Variants in TES observed in about 807,000 individuals in gnomAD.
The protein encoded by TES is testin LIM domain protein.
In TES, 41 loss-of-function variants were observed where a neutral mutation model predicts 48.2. The observed-to-expected ratio is 0.85, with a 90% CI of 0.66 to 1.10. TES has a LOEUF of 1.10. TES is among the 50% of genes least tolerant of loss of function. The probability of loss-of-function intolerance (pLI) is 0.00; values close to 1 mark genes in which losing one functional copy is unlikely to be tolerated. For missense variants in TES, 463 were observed against 515.1 expected (o/e 0.90, Z 0.98); for synonymous variants, 162 against 174.9 (o/e 0.93, Z 0.58).
rs1563017512 is a variant in TES, at chr7:116,257,512, A to G, written c.*30A>G. 6 of 1,522,142 alleles carry G rather than the reference A, an allele frequency of 3.9e-6. No individual in the cohort carries two copies. Among genetic ancestry groups the G allele is most frequent in the Middle Eastern group, 1.8e-4 (1 of 5,492 alleles). 94.3% of individuals were successfully genotyped at this position (1,522,142 alleles called of 1,614,324 possible). On this transcript the variant is annotated 3_prime_UTR_variant, in exon 7 of 7. Transcript: ENST00000358204. ...AGGGCACCCAGAAGTATCGAGCCAT[A>G]GCTATCCAAAGTGGTCTGCATTTCT... is the stretch of plus-strand genomic sequence containing the variant.
chr7:116,235,031 G>A (rs1250391366), intron 2 of TES, among the ~76,000 whole-genome samples: 5 of 152,076 alleles, frequency 3.3e-5, no homozygotes, highest in African/African-American at 9.7e-5. Flanking sequence ...TGCAACCTCC[G>A]CTTCCTGGTT....
rs901786807 is a variant in TES at position 116,254,747 on chromosome 7, AATAT to A, written c.1077+2280_1077+2283del. Among the ~76,000 whole-genome samples the A allele has an allele frequency of 3.0e-4, 33 of 109,076 alleles. 1 individual carries two copies. The highest frequency in any genetic ancestry group is 8.6e-4 in the Admixed American group (9 of 10,476). The allele number at this position is 109,076 out of a possible 152,430, so 71.6% of individuals were successfully genotyped here. A position where few individuals can be genotyped will look rare whatever the true frequency, so the allele number is the denominator to read the frequency against. On this transcript the variant is annotated intron_variant, in intron 6 of 6. Coordinates refer to ENST00000358204, the MANE Select transcript of TES (RefSeq NM_015641.4). ...TAGTGCGACACTCCGTCTCAAAAAA[AATAT>A]ATATATATGTGTGTGTGTGTGTGTG...
intron 2 of TES, among the ~76,000 whole-genome samples, chr7:116,246,947 C>CCT (rs1554438689): frequency 1.5e-5 from 2 of 131,472 alleles, no homozygotes; most frequent in African/African-American, 5.7e-5. Flanking sequence ...GACTAGGCCC[C>CCT]TTTTTTTTTT....
intron 1 of TES, chr7:116,211,054 G>T (rs1799431796): frequency 4.1e-6 from 1 of 241,320 alleles, no homozygotes; most frequent in East Asian, 8.0e-5. Flanking sequence ...AGCTCTGCCT[G>T]TGCCTCCTCA....
intron 2 of TES, among the ~76,000 whole-genome samples, chr7:116,236,964 A>G (rs1412181343): frequency 6.6e-6 from 1 of 152,206 alleles, no homozygotes; most frequent in Non-Finnish European, 1.5e-5. Flanking sequence ...TCTTCCTGGC[A>G]TGGGTCCAGT....
At chr7:116,225,737 A>G (rs756491853) in intron 1 of TES, among the ~76,000 whole-genome samples, 111 of 152,364 alleles carry the variant, frequency 7.3e-4, no homozygotes, top group Middle Eastern at 3.4e-3. Context: ...AGCCATGTTG[A>G]CAACTAAAGA....
chr7:116,255,383 G>A (rs1038528009), intron 6 of TES: 10 of 152,342 alleles, frequency 6.6e-5, no homozygotes, highest in African/African-American at 2.2e-4. Flanking sequence ...GGCCCTTGGC[G>A]CAGCCTGGGC....
intron 2 of TES, among the ~76,000 whole-genome samples, chr7:116,245,400 GC>G (rs1799908399): frequency 6.6e-6 from 1 of 152,090 alleles, no homozygotes; most frequent in Admixed American, 6.6e-5. Context: ...AGCCAGAGTG[GC>G]CTTTACATCA....
At chr7:116,241,833 C>T (rs928731729) in intron 2 of TES, among the ~76,000 whole-genome samples, 3 of 151,978 alleles carry the variant, frequency 2.0e-5, no homozygotes, top group African/African-American at 2.4e-5. Context: ...TTCTAATTGT[C>T]AAGACAAATA....
intron 2 of TES, among the ~76,000 whole-genome samples, chr7:116,242,507 ATCTCTCTCTCTCTC>A (rs60510276): frequency 2.7e-4 from 39 of 141,858 alleles, no homozygotes; most frequent in African/African-American, 9.8e-4. Flanking sequence ...TTCACCACCT[ATCTCTCTCTCTCTC>A]TCTCTCTCTC....
intron 1 of TES, among the ~76,000 whole-genome samples, chr7:116,213,244 G>A (rs981155076): frequency 1.3e-4 from 20 of 152,168 alleles, no homozygotes; most frequent in Non-Finnish European, 2.9e-5. Flanking sequence ...TAGTTTTCAA[G>A]TCTCCTTTCT....
intron 1 of TES, among the ~76,000 whole-genome samples, chr7:116,225,034 T>C (rs1229928198): frequency 6.6e-6 from 1 of 151,906 alleles, no homozygotes; most frequent in Non-Finnish European, 1.5e-5. Flanking sequence ...ACTTTTCCAA[T>C]AGGTTGTTGG....
intron 1 of TES, among the ~76,000 whole-genome samples, chr7:116,220,191 A>G (rs1799540468): frequency 6.6e-6 from 1 of 152,184 alleles, no homozygotes; most frequent in Non-Finnish European, 1.5e-5. Context: ...AATGGAATAG[A>G]AGGTTATCCC....
intron 1 of TES, among the ~76,000 whole-genome samples, chr7:116,233,561 CA>C (rs1299993061): frequency 6.6e-6 from 1 of 152,126 alleles, no homozygotes; most frequent in African/African-American, 2.4e-5. Context: ...TGAGTTTCAG[CA>C]AAAACATTTC....
intron 2 of TES, among the ~76,000 whole-genome samples, chr7:116,240,586 C>CATCCCCACACCTTAGAGCT (rs1799833110): frequency 6.6e-6 from 1 of 152,102 alleles, no homozygotes; most frequent in Non-Finnish European, 1.5e-5. Context: ...AACCCTCCTC[C>CATCCCCACACCTTAGAGCT]ATCCCCACAC....
intron 2 of TES, among the ~76,000 whole-genome samples, chr7:116,246,273 T>A (rs1266124443): frequency 6.6e-6 from 1 of 152,232 alleles, no homozygotes; most frequent in Admixed American, 6.5e-5. Flanking sequence ...TAAATTCCAT[T>A]TGTGAAGTAG....
chr7:116,258,634 T>C lies in TES; in HGVS notation c.*1152T>C, dbSNP rs1228716043. ...ATACTTCCAAGCCTGTCCATGGATA[T>C]ATCAAATGTCTTCACTTGTATATTT... On this transcript the variant is annotated 3_prime_UTR_variant, in exon 7 of 7. Coordinates refer to ENST00000358204, the MANE Select transcript of TES (RefSeq NM_015641.4). 1 of 152,672 alleles carries C rather than the reference T, an allele frequency of 6.5e-6. No homozygotes were observed. The highest frequency in any genetic ancestry group is 2.1e-4 in the South Asian group (1 of 4,832). The allele number at this position is 152,672 out of a possible 1,614,324, so 9.5% of individuals were successfully genotyped here. A position where few individuals can be genotyped will look rare whatever the true frequency, so the allele number is the denominator to read the frequency against.
At chr7:116,214,816 T>C (rs1446428087) in intron 1 of TES, among the ~76,000 whole-genome samples, 1 of 151,302 alleles carries the variant, frequency 6.6e-6, no homozygotes, top group Non-Finnish European at 1.5e-5. Context: ...AGTTCTAAAT[T>C]TTTTCCATCC....
chr7:116,222,941 T>G (rs772818534), intron 1 of TES: 14 of 983,760 alleles, frequency 1.4e-5, no homozygotes, highest in African/African-American at 1.7e-5. Context: ...TGTGACATTT[T>G]TATAGCCCTA....
Sources: allele counts gnomAD v4.1 joint callset (sites outside exome capture counted in the v4.1 genomes callset), GRCh38; gene constraint gnomAD v4.1.1; transcripts MANE v1.5; gene names NCBI Gene and HGNC (gene_info 2026-07-23, HGNC 2026-07-21).